PRSS12: variants seen among roughly 807,000 people sequenced by gnomAD.
The protein encoded by PRSS12 is serine protease 12, also known as neurotrypsin.
Under a neutral mutation model 104.4 loss-of-function variants are expected in PRSS12, and 85 were observed. The observed-to-expected ratio is 0.81, with a 90% CI of 0.68 to 0.98. The LOEUF (loss-of-function observed/expected upper bound fraction) is 0.98. Ranked by LOEUF, PRSS12 falls within the 50% of genes least tolerant of loss-of-function variation. The pLI, the probability that PRSS12 is intolerant of heterozygous loss-of-function variation, is 0.00. For missense variants in PRSS12, 1,141 were observed against 1,139.2 expected (o/e 1.00, Z -0.02); for synonymous variants, 454 against 425.2 (o/e 1.07, Z -0.83).
At chr4:118,286,053 G>A (rs1035216323) in intron 11 of PRSS12, among the ~76,000 whole-genome samples, 5 of 152,102 alleles carry the variant, frequency 3.3e-5, no homozygotes, top group African/African-American at 9.7e-5. Context: ...AAAGCCCTGG[G>A]CAATCTTGCC....
At chr4:118,316,690 C>T (rs749957730) in intron 5 of PRSS12, among the ~76,000 whole-genome samples, 3 of 151,888 alleles carry the variant, frequency 2.0e-5, no homozygotes, top group East Asian at 3.9e-4. Context: ...AGCATGGTGG[C>T]GCATGCCTGT....
chr4:118,285,166 G>C (rs1742986906), intron 11 of PRSS12, among the ~76,000 whole-genome samples: 1 of 152,126 alleles, frequency 6.6e-6, no homozygotes, highest in Non-Finnish European at 1.5e-5. Context: ...TAGTTAATCT[G>C]TGATTTCTTG....
chr4:118,314,746 ATACTC>A (rs1012435414), intron 6 of PRSS12, among the ~76,000 whole-genome samples: 8 of 152,122 alleles, frequency 5.3e-5, no homozygotes, highest in Admixed American at 3.3e-4. Context: ...ATAAATGTGA[ATACTC>A]TGTGCATAGA....
At chr4:118,341,697 C>CACA (rs551670505) in intron 1 of PRSS12, among the ~76,000 whole-genome samples, 4 of 151,874 alleles carry the variant, frequency 2.6e-5, no homozygotes, top group East Asian at 1.9e-4. Flanking sequence ...GCAAGCTAAC[C>CACA]ACAACAACAA....
chr4:118,336,923 G>A lies in PRSS12; in HGVS notation c.641+1253C>T, dbSNP rs1234568633. On this transcript the variant is annotated intron_variant, in intron 2 of 12. Coordinates refer to ENST00000296498, the MANE Select transcript of PRSS12 (RefSeq NM_003619.4). Reference sequence around the variant, plus strand: ...TCTGTTTGCCAGACTAAGTATTCATGATAAAATCAGTAATTAACATTTCCA... The same window carrying A: ...TCTGTTTGCCAGACTAAGTATTCATAATAAAATCAGTAATTAACATTTCCA... Among the ~76,000 whole-genome samples the A allele has an allele frequency of 2.0e-5, 3 of 152,160 alleles. No individual in the cohort carries two copies. In the South Asian group the frequency reaches 6.2e-4, roughly 31 times the overall value.
intron 4 of PRSS12, among the ~76,000 whole-genome samples, chr4:118,329,973 C>T (rs1723875950): frequency 6.6e-6 from 1 of 152,146 alleles, no homozygotes; most frequent in Non-Finnish European, 1.5e-5. Context: ...AAAATCTTGT[C>T]TCATAAACGT....
intron 11 of PRSS12, among the ~76,000 whole-genome samples, chr4:118,292,390 A>G (rs919312518): frequency 6.6e-6 from 1 of 152,228 alleles, no homozygotes; most frequent in Non-Finnish European, 1.5e-5. Context: ...GGGCTCAGGA[A>G]CCTGGACTAT....
rs1369514819 is a variant in PRSS12, at chr4:118,280,687, A to G, written c.*1249T>C. 1 of 152,236 alleles carries G rather than the reference A, an allele frequency of 6.6e-6. No individual in the cohort carries two copies. Among genetic ancestry groups the G allele is most frequent in the Non-Finnish European group, 1.5e-5 (1 of 68,042 alleles). The allele number at this position is 152,236 out of a possible 1,614,324, so 9.4% of individuals were successfully genotyped here. A position where few individuals can be genotyped will look rare whatever the true frequency, so the allele number is the denominator to read the frequency against. Reference sequence around the variant, plus strand: ...TTGAGTGTGCCTTTTAAATTTGAGCATTACTGCTAAGAATGTTCTGTAAAG... The same window carrying G: ...TTGAGTGTGCCTTTTAAATTTGAGCGTTACTGCTAAGAATGTTCTGTAAAG... On this transcript the variant is annotated 3_prime_UTR_variant, in exon 13 of 13. Coordinates refer to ENST00000296498, the MANE Select transcript of PRSS12 (RefSeq NM_003619.4).
chr4:118,322,512 C>T (rs1723658970), intron 4 of PRSS12, among the ~76,000 whole-genome samples: 1 of 150,736 alleles, frequency 6.6e-6, no homozygotes, highest in South Asian at 2.1e-4. Context: ...CGCCACTGCA[C>T]TCCAGCCTGC....
intron 8 of PRSS12, 99 bp from the exon 9 acceptor site, chr4:118,299,037 T>A: frequency 7.4e-7 from 1 of 1,343,762 alleles, no homozygotes; most frequent in Non-Finnish European, 1.0e-6. Flanking sequence ...TTTTTACATA[T>A]TAAAATTAGC....
rs531852664 is a variant in PRSS12 at position 118,340,831 on chromosome 4, A to G, written c.503-2517T>C. Reference sequence around the variant, plus strand: ...CAGGTTTAACAAAGTGTGGTCAGCCACGTAGAAATATGTTTGGACAAAATG... The same window carrying G: ...CAGGTTTAACAAAGTGTGGTCAGCCGCGTAGAAATATGTTTGGACAAAATG... On this transcript the variant is annotated intron_variant, in intron 1 of 12. Coordinates refer to ENST00000296498, the MANE Select transcript of PRSS12 (RefSeq NM_003619.4). Among the ~76,000 whole-genome samples the G allele has an allele frequency of 1.4e-4, 21 of 152,386 alleles. No homozygotes were observed. The South Asian group carries it at 4.3e-3, about 32-fold the overall frequency.
At position 118,298,905 on chromosome 4, in the gene PRSS12, A is replaced by T; in HGVS notation, c.1665T>A (p.Phe555Leu). Reference sequence around the variant, plus strand: ...CATGGATGGGTCCTTTTCCTTCTCCAAAGTAAGCCATGGTTCTTGCTCTGG... The same window carrying T: ...CATGGATGGGTCCTTTTCCTTCTCCTAAGTAAGCCATGGTTCTTGCTCTGG... ...GPARARTMAY[F>L]GEGKGPIHVD... The change falls in exon 9 of 13, where the codon TTT becomes TTA. Residue 555 changes from phenylalanine to leucine, a missense_variant. Phe to Leu is a conservative substitution (Grantham distance 22). Transcript: ENST00000296498. The T allele has an allele frequency of 6.2e-7, 1 of 1,614,156 alleles. No individual in the cohort carries two copies. Among genetic ancestry groups the T allele is most frequent in the Non-Finnish European group, 8.5e-7 (1 of 1,180,028 alleles).
At chr4:118,328,070 T>C (rs1439568199) in intron 4 of PRSS12, among the ~76,000 whole-genome samples, 1 of 152,182 alleles carries the variant, frequency 6.6e-6, no homozygotes, top group East Asian at 1.9e-4. Flanking sequence ...CAAGCAACAA[T>C]TATGTGTCTG....
rs550911456 is a variant in PRSS12, at chr4:118,319,470, T to C, written c.972-914A>G. Among the ~76,000 whole-genome samples the C allele has an allele frequency of 1.9e-4, 29 of 152,260 alleles. No individual in the cohort carries two copies. In the South Asian group the frequency reaches 6.0e-3, roughly 32 times the overall value. Reference sequence around the variant, plus strand: ...AGGATGGCTGGAGCCTAATAAGTTATCTTGGGCCATAGGGTCCCATACTAA... The same window carrying C: ...AGGATGGCTGGAGCCTAATAAGTTACCTTGGGCCATAGGGTCCCATACTAA... On this transcript the variant is annotated intron_variant, in intron 4 of 12. Coordinates refer to ENST00000296498, the MANE Select transcript of PRSS12 (RefSeq NM_003619.4).
At chr4:118,304,299 A>G (rs1001839475) in intron 8 of PRSS12, among the ~76,000 whole-genome samples, 1 of 151,942 alleles carries the variant, frequency 6.6e-6, no homozygotes, top group Non-Finnish European at 1.5e-5. Flanking sequence ...AAAAAACTGT[A>G]AAATTTCTGG....
rs189772100 is a variant in PRSS12, at chr4:118,331,980, C to T, written c.821-114G>A. 6 of 1,342,730 alleles carry T rather than the reference C, an allele frequency of 4.5e-6. No individual in the cohort carries two copies. The Admixed American group carries it at 1.2e-4, about 27-fold the overall frequency. The allele number at this position is 1,342,730 out of a possible 1,614,324, so 83.2% of individuals were successfully genotyped here. A position where few individuals can be genotyped will look rare whatever the true frequency, so the allele number is the denominator to read the frequency against. ...CAATAATTAAATAATATTTATAAAGCCACACCAGTGATATGGACATACGTA... is the reference window on the plus strand; with the variant it reads ...CAATAATTAAATAATATTTATAAAGTCACACCAGTGATATGGACATACGTA... On this transcript the variant is annotated intron_variant, in intron 3 of 12. Transcript: ENST00000296498.
intron 1 of PRSS12, among the ~76,000 whole-genome samples, chr4:118,342,468 A>T (rs1724240002): frequency 6.6e-6 from 1 of 152,224 alleles, no homozygotes; most frequent in African/African-American, 2.4e-5. Flanking sequence ...ACTGTCTTAA[A>T]GTCTCTCAAG....
At chr4:118,324,348 G>A (rs1469416628) in intron 4 of PRSS12, among the ~76,000 whole-genome samples, 1 of 151,992 alleles carries the variant, frequency 6.6e-6, no homozygotes, top group African/African-American at 2.4e-5. Context: ...CATTTTTGGA[G>A]ATTTAAAATA....
At chr4:118,284,220 C>T (rs1742964128) in intron 11 of PRSS12, among the ~76,000 whole-genome samples, 2 of 152,262 alleles carry the variant, frequency 1.3e-5, no homozygotes, top group South Asian at 4.1e-4. Flanking sequence ...GCCACTGGTA[C>T]ATGGTACACA....
Sources: gnomAD v4.1 joint callset for allele counts (sites outside exome capture counted in the v4.1 genomes callset) on GRCh38, gnomAD v4.1.1 for gene constraint, MANE v1.5 for transcripts, NCBI Gene and HGNC (gene_info 2026-07-23, HGNC 2026-07-21) for gene names.